Variants in FREM2 observed in about 807,000 individuals in gnomAD.
FREM2 encodes the protein FRAS1 related extracellular matrix 2.
In FREM2, 119 loss-of-function variants were observed where a neutral mutation model predicts 219.9. The observed-to-expected ratio is 0.54, with a 90% confidence interval of 0.47 to 0.63. The LOEUF is 0.63. Ranked by LOEUF, FREM2 falls within the 30% of genes least tolerant of loss-of-function variation. FREM2 has a pLI of 0.00. For synonymous variants in FREM2, 1,562 were observed against 1,522.8 expected (o/e 1.03, Z -0.60); for missense variants, 4,030 against 3,993.6 (o/e 1.01, Z -0.25).
chr13:38,741,740 A>G (rs980860652), intron 2 of FREM2, among the ~76,000 whole-genome samples: 1 of 152,198 alleles, frequency 6.6e-6, no homozygotes, highest in Non-Finnish European at 1.5e-5. Flanking sequence ...CATCAGTCAT[A>G]GAAAGTAATC....
rs1878732250 is a variant in FREM2, at chr13:38,886,419, CAG to C, written c.*5635_*5636del. On this transcript the variant is annotated 3_prime_UTR_variant, in exon 24 of 24. Coordinates refer to ENST00000280481, the MANE Select transcript of FREM2 (RefSeq NM_207361.6). ...AGAGATAGATTTTTTTTTTTTGAGA[CAG>C]AGTTTCGCTCTTGTTGCCCAGGCTG... 6.7e-6 allele frequency: 1 copy of C among 149,926 alleles called. No homozygotes were observed. Among genetic ancestry groups the C allele is most frequent in the Non-Finnish European group, 1.5e-5 (1 of 67,750 alleles). 9.3% of individuals were successfully genotyped at this position (149,926 alleles called of 1,614,324 possible).
chr13:38,760,814 G>A (rs571244699), intron 2 of FREM2, among the ~76,000 whole-genome samples: 5 of 151,178 alleles, frequency 3.3e-5, no homozygotes, highest in Admixed American at 6.6e-5. Flanking sequence ...GTTGCAGTGG[G>A]AGAACACAGA....
chr13:38,687,382 G>T lies in FREM2; in HGVS notation c.38G>T (p.Arg13Leu), dbSNP rs765718616. The T allele has an allele frequency of 1.9e-6, 3 of 1,608,636 alleles. No individual in the cohort carries two copies. In the Admixed American group the frequency reaches 5.0e-5, roughly 27 times the overall value. Residue 13 changes from arginine to leucine, a missense_variant, in exon 1 of 24, where the codon CGG becomes CTG. This residue lies in a region of FREM2 where 3,102 missense variants were observed against 2,950.7 expected (regional missense o/e 1.05). Transcript: ENST00000280481. ...GGGACTCCCGGGTTATCCTCGCGCC[G>T]GACAGGCAACTCCACCAGCTTTCAA... ...SAGTPGLSSR[R>L]TGNSTSFQPG... is the part of the protein sequence containing the mutation.
chr13:38,841,007 A>G (rs757785185), intron 6 of FREM2, among the ~76,000 whole-genome samples: 7 of 152,166 alleles, frequency 4.6e-5, no homozygotes, highest in Non-Finnish European at 8.8e-5. Context: ...CCTTAATAGT[A>G]GTCAAGGGCA....
Position 38,697,000 on chromosome 13 carries a change from A to G in FREM2, c.5174-698A>G, listed in dbSNP as rs536620358. Among the ~76,000 whole-genome samples the G allele has an allele frequency of 2.0e-5, 3 of 152,028 alleles. 1 individual carries two copies. In the East Asian group the frequency reaches 5.8e-4, roughly 30 times the overall value. ...TTTTTAATAGAGACAGGGTTTCACC[A>G]TGTTGGCCAGGCTGGTCTTGAACTC... On this transcript the variant is annotated intron_variant, in intron 1 of 23. Transcript: ENST00000280481.
chr13:38,852,061 C>T (rs1162667269), intron 11 of FREM2, among the ~76,000 whole-genome samples, 193 bp downstream of exon 11: 2 of 152,086 alleles, frequency 1.3e-5, no homozygotes, highest in Non-Finnish European at 2.9e-5. Flanking sequence ...GAAGTCTAGT[C>T]TTTTAGTATC....
chr13:38,878,140 T>C lies in FREM2; in HGVS notation c.8678T>C (p.Ile2893Thr). The C allele has an allele frequency of 1.9e-6, 3 of 1,612,632 alleles. No homozygotes were observed. Among genetic ancestry groups the C allele is most frequent in the African/African-American group, 1.3e-5 (1 of 74,998 alleles). Residue 2893 changes from isoleucine (I) to threonine (T), a missense_variant, in exon 22 of 24, where the codon ATA (isoleucine) becomes ACA (threonine). Physicochemically the swap from Ile to Thr is moderately conservative, Grantham distance 89. Coordinates refer to ENST00000280481, the MANE Select transcript of FREM2 (RefSeq NM_207361.6). ...ESDVAFAEGD[I>T]IYGRVMVDPV... Reference sequence around the variant, plus strand: ...TTCCACATCTCTATTTCAGGTGATATAATTTATGGTCGTGTCATGGTGGAT... The same window carrying C: ...TTCCACATCTCTATTTCAGGTGATACAATTTATGGTCGTGTCATGGTGGAT...
chr13:38,797,396 C>A (rs984797469), intron 6 of FREM2, among the ~76,000 whole-genome samples: 1 of 151,922 alleles, frequency 6.6e-6, no homozygotes, highest in Non-Finnish European at 1.5e-5. Context: ...CTATGTATAT[C>A]TTTTTTTGAG....
At position 38,850,134 on chromosome 13, in the gene FREM2, G is replaced by A. The variant is rs1293156455; in HGVS notation, c.6476G>A (p.Arg2159Lys). 6.2e-7 allele frequency: 1 copy of A among 1,614,018 alleles called. No individual in the cohort carries two copies. The highest frequency in any genetic ancestry group is 1.1e-5 in the South Asian group (1 of 91,092). ...MIHRTGDVQYRSSVRCYTRQG... is the reference protein window; with the variant it reads ...MIHRTGDVQYKSSVRCYTRQG... ...CATAGGACTGGGGATGTCCAGTACA[G>A]ATCTTCAGTGAGATGCTACACCCGG... Residue 2159 changes from arginine (R) to lysine (K), a missense_variant, in exon 9 of 24, where the codon AGA becomes AAA. Around this residue, in one of 2 missense-constraint regions of FREM2, gnomAD observed 3,102 missense variants for 2,950.7 expected, o/e 1.05. Coordinates refer to ENST00000280481, the MANE Select transcript of FREM2 (RefSeq NM_207361.6).
At chr13:38,765,611 C>T (rs1873404445) in intron 3 of FREM2, among the ~76,000 whole-genome samples, 1 of 152,076 alleles carries the variant, frequency 6.6e-6, no homozygotes, top group African/African-American at 2.4e-5. Flanking sequence ...CACCCCCACA[C>T]ATCCCGCTGT....
rs1716581971 is a variant in FREM2, at chr13:38,878,214, T to C, written c.8752T>C (p.Phe2918Leu). 1.9e-6 allele frequency: 3 copies of C among 1,613,698 alleles called. No individual in the cohort carries two copies. The highest frequency in any genetic ancestry group is 2.7e-5 in the African/African-American group (2 of 74,872). Residue 2918 changes from phenylalanine (F) to leucine (L), a missense_variant, in exon 22 of 24, where the codon TTT becomes CTT. Physicochemically the swap from Phe to Leu is conservative, Grantham distance 22. Transcript: ENST00000280481. The part of the protein sequence containing the change: ...DSFYCSIEKV[F>L]LCTGADGYVP... ...CTTTTACTGCAGCATTGAGAAGGTG[T>C]TTCTATGCACTGGAGCTGATGGCTA...
At chr13:38,801,934 A>C (rs1875027486) in intron 6 of FREM2, among the ~76,000 whole-genome samples, 1 of 152,198 alleles carries the variant, frequency 6.6e-6, no homozygotes, top group African/African-American at 2.4e-5. Flanking sequence ...TGGTGGCTGC[A>C]ATAGATTGGG....
At chr13:38,824,955 G>T (rs1426697565) in intron 6 of FREM2, among the ~76,000 whole-genome samples, 2 of 151,172 alleles carry the variant, frequency 1.3e-5, no homozygotes, top group African/African-American at 4.9e-5. Context: ...CAGGCAGCTT[G>T]AAAGCTAAAG....
chr13:38,689,762 G>T lies in FREM2; in HGVS notation c.2418G>T (p.Val806=), dbSNP rs767438767. ...GAGTGGCCCAGTTCCAGTTCCAGGT[G>T]GAAGACCGAGCTGGGAATGTGGCTC... is the stretch of plus-strand genomic sequence containing the variant. The part of the protein sequence containing the change: ...ATRVAQFQFQ[V]EDRAGNVAPG... The change falls in exon 1 of 24, where the codon GTG becomes GTT. Residue 806 remains valine (V), a synonymous_variant. Coordinates refer to ENST00000280481, the MANE Select transcript of FREM2 (RefSeq NM_207361.6). The T allele has an allele frequency of 6.2e-7, 1 of 1,613,338 alleles. No homozygotes were observed. Among genetic ancestry groups the T allele is most frequent in the Non-Finnish European group, 8.5e-7 (1 of 1,179,610 alleles).
At chr13:38,833,742 C>CAAAGCCTG (rs1262780077) in intron 6 of FREM2, among the ~76,000 whole-genome samples, 1 of 152,122 alleles carries the variant, frequency 6.6e-6, no homozygotes, top group African/African-American at 2.4e-5. Context: ...TCTTCATCTT[C>CAAAGCCTG]AAAGCCTGAA....
intron 15 of FREM2, 93 bp from the exon 16 acceptor site, chr13:38,864,182 A>G: frequency 2.1e-6 from 2 of 970,502 alleles, no homozygotes; most frequent in Admixed American, 3.8e-5. Context: ...GCATTTTATG[A>G]CACTTGTTTT....
rs776551518 is a variant in FREM2 at position 38,688,761 on chromosome 13, G to A, written c.1417G>A (p.Glu473Lys). Residue 473 changes from glutamate to lysine, a missense_variant, in exon 1 of 24, where the codon GAG becomes AAG. Physicochemically the swap from Glu to Lys is moderately conservative, Grantham distance 56. Transcript: ENST00000280481. ...SGPQNLVISDEDDLEAVRLEV... is the reference protein window; with the variant it reads ...SGPQNLVISDKDDLEAVRLEV... ...TCCGCAAAACTTGGTCATCAGCGAT[G>A]AGGATGACCTAGAAGCAGTGCGGCT... 5.6e-6 allele frequency: 9 copies of A among 1,614,114 alleles called. No individual in the cohort carries two copies. The East Asian group carries it at 1.1e-4, about 20-fold the overall frequency.
chr13:38,852,118 A>G (rs534568342), intron 11 of FREM2, among the ~76,000 whole-genome samples: 60 of 152,200 alleles, frequency 3.9e-4, no homozygotes, highest in Non-Finnish European at 6.9e-4. Flanking sequence ...TAATTTCTCA[A>G]TACCCACCTC....
intron 3 of FREM2, among the ~76,000 whole-genome samples, chr13:38,767,292 A>T (rs766306835): frequency 2.0e-5 from 3 of 152,222 alleles, no homozygotes; most frequent in Non-Finnish European, 4.4e-5. Context: ...TTGCAGTTTC[A>T]TTTAATAACA....
Sources: allele counts gnomAD v4.1 joint callset (sites outside exome capture counted in the v4.1 genomes callset), GRCh38; gene constraint gnomAD v4.1.1; regional missense constraint gnomAD v4.1.1; transcripts MANE v1.5; gene names NCBI Gene and HGNC (gene_info 2026-07-23, HGNC 2026-07-21).